Variants in CHST11 observed in about 807,000 individuals in gnomAD.
CHST11 encodes carbohydrate sulfotransferase 11, also known as C4S-1.
CHST11 carries 9 observed loss-of-function variants against 30.4 expected under a neutral mutation model. The observed-to-expected ratio is 0.30, with a 90% confidence interval of 0.18 to 0.52. CHST11 has a LOEUF of 0.52. Ranked by LOEUF, CHST11 falls within the 20% of genes least tolerant of loss-of-function variation. CHST11 has a pLI of 0.97. For synonymous variants in CHST11, 152 were observed against 187.8 expected, an observed-to-expected ratio of 0.81 and a Z score of 1.56; for missense variants, 348 against 460.6, an observed-to-expected ratio of 0.76 and a Z score of 2.24.
At chr12:104,643,933 C>T (rs2039401792) in intron 2 of CHST11, among the ~76,000 whole-genome samples, 1 of 152,154 alleles carries the variant, frequency 6.6e-6, no homozygotes, top group Admixed American at 6.5e-5. Context: ...CAAGAGGAAG[C>T]AATTTGAATT....
chr12:104,489,361 A>G (rs1002107119), intron 1 of CHST11, among the ~76,000 whole-genome samples: 17 of 152,088 alleles, frequency 1.1e-4, no homozygotes, highest in Non-Finnish European at 2.2e-4. Context: ...CAAGGACACC[A>G]GTCAGATTGG....
At chr12:104,637,360 T>C (rs1464758791) in intron 2 of CHST11, among the ~76,000 whole-genome samples, 2 of 108,258 alleles carry the variant, frequency 1.8e-5, no homozygotes, top group East Asian at 3.1e-4. Flanking sequence ...GGGGGAGGGA[T>C]AGCATTAGGA....
intron 2 of CHST11, among the ~76,000 whole-genome samples, chr12:104,730,812 G>C (rs1445228399): frequency 6.6e-6 from 1 of 152,204 alleles, no homozygotes; most frequent in African/African-American, 2.4e-5. Flanking sequence ...TTGAATCCAA[G>C]GCCAACTTGG....
At chr12:104,576,683 C>A (rs1295059453) in intron 1 of CHST11, among the ~76,000 whole-genome samples, 1 of 152,190 alleles carries the variant, frequency 6.6e-6, no homozygotes, top group East Asian at 1.9e-4. Flanking sequence ...CAACCACCCA[C>A]TTCCATTTAG....
intron 2 of CHST11, among the ~76,000 whole-genome samples, chr12:104,663,423 C>A (rs567370765): frequency 6.6e-6 from 1 of 152,114 alleles, no homozygotes; most frequent in South Asian, 2.1e-4. Flanking sequence ...TAAAAATCAC[C>A]AGCAAATCCA....
rs2037830733 is a variant in CHST11, at chr12:104,499,360, T to C, written c.118+41831T>C. Reference sequence around the variant, plus strand: ...CTCAGTTAGAACTGCTTGTACCTCCTGGTCCCCTGCCTTCATGGAGTGGAA... The same window carrying C: ...CTCAGTTAGAACTGCTTGTACCTCCCGGTCCCCTGCCTTCATGGAGTGGAA... On this transcript the variant is annotated intron_variant, in intron 1 of 2. Transcript: ENST00000303694. 2.6e-5 allele frequency among the ~76,000 whole-genome samples: 4 copies of C among 151,998 alleles called. No individual in the cohort carries two copies. In the South Asian group the frequency reaches 8.3e-4, roughly 31 times the overall value.
At chr12:104,671,251 G>A (rs1039902292) in intron 2 of CHST11, among the ~76,000 whole-genome samples, 14 of 152,150 alleles carry the variant, frequency 9.2e-5, no homozygotes, top group Admixed American at 3.9e-4. Flanking sequence ...TTCTTGCTGC[G>A]CCCGTGATCC....
intron 2 of CHST11, among the ~76,000 whole-genome samples, chr12:104,610,247 C>T (rs554314029): frequency 1.3e-5 from 2 of 152,338 alleles, no homozygotes; most frequent in East Asian, 1.9e-4. Flanking sequence ...AATAAGACCT[C>T]ATCTCTGGGT....
intron 1 of CHST11, among the ~76,000 whole-genome samples, chr12:104,550,827 TTATGTAAGTA>T (rs1223085633): frequency 1.3e-5 from 2 of 152,268 alleles, no homozygotes; most frequent in East Asian, 3.9e-4. Context: ...TTGGGCCACT[TTATGTAAGTA>T]TATATACTAG....
chr12:104,708,448 G>A (rs943661460), intron 2 of CHST11, among the ~76,000 whole-genome samples: 3 of 152,168 alleles, frequency 2.0e-5, no homozygotes, highest in Non-Finnish European at 2.9e-5. Context: ...AGCTCCCTGG[G>A]CCCAGATACC....
chr12:104,640,631 G>T (rs1176066993), intron 2 of CHST11, among the ~76,000 whole-genome samples: 1 of 152,110 alleles, frequency 6.6e-6, no homozygotes, highest in African/African-American at 2.4e-5. Context: ...AGAGCACAAG[G>T]GATTTTTAGG....
At chr12:104,573,038 G>A (rs1326502672) in intron 1 of CHST11, among the ~76,000 whole-genome samples, 61 of 152,298 alleles carry the variant, frequency 4.0e-4, no homozygotes, top group African/African-American at 1.3e-3. Flanking sequence ...AAATCAATGT[G>A]CAAAAATCAC....
chr12:104,550,950 C>A (rs888119370), intron 1 of CHST11, among the ~76,000 whole-genome samples: 1 of 152,100 alleles, frequency 6.6e-6, no homozygotes, highest in Admixed American at 6.5e-5. Context: ...TAAATCCTCA[C>A]GTCTGTAATT....
intron 2 of CHST11, among the ~76,000 whole-genome samples, chr12:104,623,570 C>T (rs1354167980): frequency 7.2e-5 from 11 of 152,162 alleles, no homozygotes; most frequent in African/African-American, 2.7e-4. Context: ...ATTAGCCAGG[C>T]ATGGTGGCAC....
At chr12:104,721,655 T>C (rs1158739742) in intron 2 of CHST11, among the ~76,000 whole-genome samples, 1 of 152,014 alleles carries the variant, frequency 6.6e-6, no homozygotes, top group Non-Finnish European at 1.5e-5. Flanking sequence ...GTCCCTGGTA[T>C]AAGGAGTTAC....
chr12:104,724,802 A>G (rs1271150399), intron 2 of CHST11, among the ~76,000 whole-genome samples: 1 of 152,182 alleles, frequency 6.6e-6, no homozygotes, highest in Non-Finnish European at 1.5e-5. Flanking sequence ...TGTTAAATAC[A>G]AGAACACCCA....
chr12:104,646,141 T>C (rs2039427846), intron 2 of CHST11, among the ~76,000 whole-genome samples: 1 of 152,204 alleles, frequency 6.6e-6, no homozygotes, highest in Admixed American at 6.5e-5. Flanking sequence ...TTGCATTTCA[T>C]ATCCTCTATT....
At chr12:104,655,817 T>C (rs1172859739) in intron 2 of CHST11, among the ~76,000 whole-genome samples, 1 of 152,236 alleles carries the variant, frequency 6.6e-6, no homozygotes, top group Non-Finnish European at 1.5e-5. Flanking sequence ...AGAGAGTTCT[T>C]CTGCCCCGCT....
chr12:104,682,428 CCTGCCTGAAGAAA>C (rs1357583341), intron 2 of CHST11, among the ~76,000 whole-genome samples: 1 of 152,230 alleles, frequency 6.6e-6, no homozygotes, highest in East Asian at 1.9e-4. Flanking sequence ...TAAGCTTTGA[CCTGCCTGAAGAAA>C]CAGCAGCAGC....
Sources: gnomAD v4.1 joint callset for allele counts (sites outside exome capture counted in the v4.1 genomes callset) on GRCh38, gnomAD v4.1.1 for gene constraint, MANE v1.5 for transcripts, NCBI Gene and HGNC (gene_info 2026-07-23, HGNC 2026-07-21) for gene names.